ATRIP: variants seen among roughly 807,000 people sequenced by gnomAD.
The protein encoded by ATRIP is ATR-interacting protein.
A neutral mutation model predicts 78.1 loss-of-function variants in ATRIP; 44 were observed. The observed-to-expected ratio is 0.56, with a 90% CI of 0.44 to 0.72. The LOEUF is 0.72. Ranked by LOEUF, ATRIP falls within the 30% of genes least tolerant of loss-of-function variation. The pLI is 0.00. For missense variants in ATRIP, 927 were observed against 980.2 expected (o/e 0.95, Z 0.72); for synonymous variants, 388 against 408.9 (o/e 0.95, Z 0.62).
At position 48,464,029 on chromosome 3, in the gene ATRIP, T is replaced by G; in HGVS notation, c.1883-12T>G. ...AGGGCACCCTGAGTGAGAGGTGCGC[T>G]GTCCTTTTCAGAAGGCTGCCTCCTG... On this transcript the variant is annotated splice_polypyrimidine_tract_variant and intron_variant, in intron 9 of 12. Transcript: ENST00000320211. The G allele has an allele frequency of 6.2e-7, 1 of 1,612,732 alleles. No individual in the cohort carries two copies. The highest frequency in any genetic ancestry group is 8.5e-7 in the Non-Finnish European group (1 of 1,179,448).
chr3:48,455,507 T>C (rs79676207), intron 4 of ATRIP, among the ~76,000 whole-genome samples: 1 of 151,996 alleles, frequency 6.6e-6, no homozygotes, highest in African/African-American at 2.4e-5. Context: ...CTTTTTTTTT[T>C]GAGACAGAGT....
rs2040372987 is a variant in ATRIP, at chr3:48,467,360, C to T, written c.*1806C>T. The T allele has an allele frequency of 1.2e-6, 2 of 1,614,176 alleles. No individual in the cohort carries two copies. Among genetic ancestry groups the T allele is most frequent in the East Asian group, 4.5e-5 (2 of 44,890 alleles). The stretch of plus-strand genomic sequence containing the variant: ...GCACCATCAGGCCCATGTATGGGGT[C>T]ACAGCCTCTGCTAGGACCAAGCCAA... On this transcript the variant is annotated 3_prime_UTR_variant, in exon 13 of 13. Transcript: ENST00000320211.
chr3:48,457,335 A>G lies in ATRIP; in HGVS notation c.748A>G (p.Lys250Glu), dbSNP rs1346225224. The G allele has an allele frequency of 1.2e-6, 2 of 1,608,962 alleles. No individual in the cohort carries two copies. Among genetic ancestry groups the G allele is most frequent in the Non-Finnish European group, 1.7e-6 (2 of 1,177,922 alleles). The change falls in exon 5 of 13, where the codon AAG (lysine) becomes GAG (glutamate). Residue 250 changes from lysine to glutamate, a missense_variant. Physicochemically the swap from Lys to Glu is moderately conservative, Grantham distance 56. Coordinates refer to ENST00000320211, the MANE Select transcript of ATRIP (RefSeq NM_130384.3). ...ATTTGGAAAAACATCTTTTCCTACA[A>G]AGGAGTCTTTTAGTGCTAACATGTC... ...PQFGKTSFPT[K>E]ESFSANMSLP...
In ATRIP at chr3:48,446,921, A is replaced by G. The variant is rs1465311302; in HGVS notation, c.76A>G (p.Thr26Ala). Residue 26 changes from threonine to alanine, a missense_variant, in exon 1 of 13, where the codon ACC becomes GCC. Transcript: ENST00000320211. ...PAPRPGPPPG[T>A]GHPPSKRARG... is the part of the protein sequence containing the mutation. The stretch of plus-strand genomic sequence containing the variant: ...GCCTCGCCCCGGCCCGCCGCCGGGC[A>G]CCGGGCACCCCCCGAGCAAGCGGGC... The G allele has an allele frequency of 1.4e-6, 2 of 1,414,058 alleles. No individual in the cohort carries two copies. The highest frequency in any genetic ancestry group is 2.9e-5 in the East Asian group (1 of 35,036). The allele number at this position is 1,414,058 out of a possible 1,614,324, so 87.6% of individuals were successfully genotyped here. A position where few individuals can be genotyped will look rare whatever the true frequency, so the allele number is the denominator to read the frequency against.
At chr3:48,464,745 C>T (rs1478466859) in intron 11 of ATRIP, 83 bp downstream of exon 11, 1 of 1,607,228 alleles carries the variant, frequency 6.2e-7, no homozygotes, top group Non-Finnish European at 8.5e-7. Context: ...TGCAAACCCC[C>T]TCACGTGAGG....
chr3:48,463,252 C>G (rs1430704110), intron 8 of ATRIP, among the ~76,000 whole-genome samples: 1 of 152,228 alleles, frequency 6.6e-6, no homozygotes, highest in African/African-American at 2.4e-5. Flanking sequence ...TAGGCACATT[C>G]TCCCACTGGC....
chr3:48,460,896 AT>A, intron 8 of ATRIP, 97 bp downstream of exon 8: 1 of 1,201,534 alleles, frequency 8.3e-7, no homozygotes, highest in Non-Finnish European at 1.2e-6. Context: ...ATCTTGACTT[AT>A]CTACACTAGT....
chr3:48,460,052 G>A, intron 7 of ATRIP, 58 bp from the exon 8 acceptor site: 2 of 1,559,948 alleles, frequency 1.3e-6, no homozygotes, highest in Non-Finnish European at 1.7e-6. Context: ...GCTGTTTGGG[G>A]CTCTTGACCT....
Position 48,465,738 on chromosome 3 carries a change from T to A in ATRIP, c.*184T>A, listed in dbSNP as rs2040267827. ...CCGGACCCTGAGTGGCTGGGATCCT[T>A]CTTCCTGTCCCTGGCTGTTGCTGAG... On this transcript the variant is annotated 3_prime_UTR_variant, in exon 13 of 13. Transcript: ENST00000320211. The A allele has an allele frequency of 6.8e-6, 4 of 591,426 alleles. No individual in the cohort carries two copies. Among genetic ancestry groups the A allele is most frequent in the Non-Finnish European group, 1.2e-5 (4 of 334,788 alleles). The allele number at this position is 591,426 out of a possible 1,614,324, so 36.6% of individuals were successfully genotyped here. A position where few individuals can be genotyped will look rare whatever the true frequency, so the allele number is the denominator to read the frequency against.
chr3:48,466,985 C>T lies in ATRIP; in HGVS notation c.*1431C>T, dbSNP rs2040342805. On this transcript the variant is annotated 3_prime_UTR_variant, in exon 13 of 13. Coordinates refer to ENST00000320211, the MANE Select transcript of ATRIP (RefSeq NM_130384.3). ...ACAACCTGGCCAACCTGCTCCTAGCCTTCCTGCGGCGCCAGCCACAGCCCT... is the reference window on the plus strand; with the variant it reads ...ACAACCTGGCCAACCTGCTCCTAGCTTTCCTGCGGCGCCAGCCACAGCCCT... 2 of 1,613,184 alleles carry T rather than the reference C, an allele frequency of 1.2e-6. No homozygotes were observed. The highest frequency in any genetic ancestry group is 1.7e-6 in the Non-Finnish European group (2 of 1,180,048).
chr3:48,467,469 G>A lies in ATRIP; in HGVS notation c.*1915G>A. ...CCTTGGAGAGAGCAGGGGTACCAAG[G>A]ATCTTCCTCCAGTGAAGGACCCTGG... On this transcript the variant is annotated 3_prime_UTR_variant, in exon 13 of 13. Transcript: ENST00000320211. 6.2e-7 allele frequency: 1 copy of A among 1,614,170 alleles called. No homozygotes were observed. Among genetic ancestry groups the A allele is most frequent in the Non-Finnish European group, 8.5e-7 (1 of 1,180,032 alleles).
Position 48,446,907 on chromosome 3 carries a change from G to T in ATRIP, c.62G>T (p.Gly21Val). The T allele has an allele frequency of 1.4e-6, 2 of 1,390,314 alleles. No homozygotes were observed. The highest frequency in any genetic ancestry group is 9.3e-7 in the Non-Finnish European group (1 of 1,074,418). The allele number at this position is 1,390,314 out of a possible 1,614,324, so 86.1% of individuals were successfully genotyped here. A position where few individuals can be genotyped will look rare whatever the true frequency, so the allele number is the denominator to read the frequency against. The change falls in exon 1 of 13, where the codon GGC (glycine) becomes GTC (valine). Residue 21 changes from glycine (G) to valine (V), a missense_variant. Transcript: ENST00000320211. The stretch of plus-strand genomic sequence containing the variant: ...AGCGAGCCCCCGGCGCCTCGCCCCG[G>T]CCCGCCGCCGGGCACCGGGCACCCC... Reference protein sequence around the residue: ...RRSEPPAPRPGPPPGTGHPPS... With the variant: ...RRSEPPAPRPVPPPGTGHPPS...
At chr3:48,450,579 T>C in intron 2 of ATRIP, 2 of 1,251,308 alleles carry the variant, frequency 1.6e-6, no homozygotes, top group Non-Finnish European at 2.1e-6. Context: ...GTGCAAGGTA[T>C]GTGACCCAGA....
chr3:48,446,975 G>T lies in ATRIP; in HGVS notation c.130G>T (p.Asp44Tyr). The change falls in exon 1 of 13, where the codon GAC (aspartate) becomes TAC (tyrosine). Residue 44 changes from aspartate to tyrosine, a missense_variant. Physicochemically the swap from Asp to Tyr is radical, Grantham distance 160 (BLOSUM62 -3). Transcript: ENST00000320211. ...GGGCTTCTCCGCAGCCGCTGCCCCG[G>T]ACCCTGACGACCCGTTCGGCGCGCA... is the stretch of plus-strand genomic sequence containing the variant. ...ARGFSAAAAP[D>Y]PDDPFGAHGD... 6.4e-7 allele frequency: 1 copy of T among 1,566,972 alleles called. No individual in the cohort carries two copies. Among genetic ancestry groups the T allele is most frequent in the Non-Finnish European group, 8.6e-7 (1 of 1,160,274 alleles).
intron 1 of ATRIP, 196 bp downstream of exon 1, chr3:48,447,288 A>G (rs1674770967): frequency 8.0e-7 from 1 of 1,247,670 alleles, no homozygotes; most frequent in Non-Finnish European, 1.0e-6. Context: ...GCCAGGTCAA[A>G]CAGCCGATTT....
Position 48,466,268 on chromosome 3 carries a change from T to A in ATRIP, c.*714T>A, listed in dbSNP as rs3135941. On this transcript the variant is annotated 3_prime_UTR_variant, in exon 13 of 13. Transcript: ENST00000320211. ...GCTGCCAGCGAGAGCCGCGGGAGAGTGTGCAGCCGAGTCACTACTGCCTGC... is the reference window on the plus strand; with the variant it reads ...GCTGCCAGCGAGAGCCGCGGGAGAGAGTGCAGCCGAGTCACTACTGCCTGC... The A allele has an allele frequency of 6.5e-6, 4 of 618,960 alleles. No homozygotes were observed. Among genetic ancestry groups the A allele is most frequent in the Non-Finnish European group, 8.6e-6 (3 of 347,354 alleles). 38.3% of individuals were successfully genotyped at this position (618,960 alleles called of 1,614,324 possible). A position where few individuals can be genotyped will look rare whatever the true frequency, so the allele number is the denominator to read the frequency against.
Position 48,464,966 on chromosome 3 carries a change from T to G in ATRIP, c.2191T>G (p.Ser731Ala). 6.2e-7 allele frequency: 1 copy of G among 1,614,172 alleles called. No homozygotes were observed. The highest frequency in any genetic ancestry group is 8.5e-7 in the Non-Finnish European group (1 of 1,180,010). Reference sequence around the variant, plus strand: ...CACGGTGCTGCTGCTGCACGGCCTATCGCAGAAGGACAAGCTCTTCATGAT... The same window carrying G: ...CACGGTGCTGCTGCTGCACGGCCTAGCGCAGAAGGACAAGCTCTTCATGAT... The part of the protein sequence containing the change: ...RDTVLLLHGL[S>A]QKDKLFMMHC... The change falls in exon 12 of 13, where the codon TCG (serine) becomes GCG (alanine). Residue 731 changes from serine (S) to alanine (A), a missense_variant. Transcript: ENST00000320211.
chr3:48,450,271 G>A (rs2039801090), intron 2 of ATRIP, 101 bp downstream of exon 2: 4 of 1,392,920 alleles, frequency 2.9e-6, no homozygotes, highest in Admixed American at 2.3e-5. Flanking sequence ...CAAGTGTCTA[G>A]ATTCATCCCT....
At chr3:48,447,482 T>C (rs1260514292) in intron 1 of ATRIP, 13 of 995,818 alleles carry the variant, frequency 1.3e-5, no homozygotes, top group African/African-American at 3.5e-5. Context: ...AAGCCCACTG[T>C]CTCCCTTGGG....
Sources: gnomAD v4.1 joint callset for allele counts (sites outside exome capture counted in the v4.1 genomes callset) on GRCh38, gnomAD v4.1.1 for gene constraint, MANE v1.5 for transcripts, NCBI Gene and HGNC (gene_info 2026-07-23, HGNC 2026-07-21) for gene names.